NAV2: variants seen among roughly 807,000 people sequenced by gnomAD.
The protein encoded by NAV2 is neuron navigator 2.
In NAV2, 54 loss-of-function variants were observed where a neutral mutation model predicts 223.2. The observed-to-expected ratio is 0.24, with a 90% confidence interval of 0.19 to 0.30. The LOEUF is 0.30. Among genes scored for constraint, NAV2 ranks in the 10% least tolerant of loss-of-function variants. The pLI is 1.00. For missense variants in NAV2, 2,806 were observed against 3,147.5 expected (o/e 0.89, Z 2.60); for synonymous variants, 1,279 against 1,239.3 (o/e 1.03, Z -0.67).
At chr11:19,901,286 C>A (rs955074909) in intron 6 of NAV2, among the ~76,000 whole-genome samples, 2 of 152,230 alleles carry the variant, frequency 1.3e-5, no homozygotes, top group Non-Finnish European at 1.5e-5. Flanking sequence ...ATGACTCACG[C>A]CTGTAATCCC....
At chr11:19,559,089 T>C (rs924467306) in intron 1 of NAV2, among the ~76,000 whole-genome samples, 1 of 152,218 alleles carries the variant, frequency 6.6e-6, no homozygotes, top group African/African-American at 2.4e-5. Context: ...CTTGATGAGA[T>C]GAGTGACTTG....
At chr11:19,402,684 A>G (rs555960574) in intron 1 of NAV2, among the ~76,000 whole-genome samples, 1 of 152,354 alleles carries the variant, frequency 6.6e-6, no homozygotes, top group East Asian at 1.9e-4. Flanking sequence ...AACAGAATGA[A>G]TGCAGGAATG....
chr11:19,626,490 A>C (rs2047175302), intron 1 of NAV2, among the ~76,000 whole-genome samples: 1 of 152,166 alleles, frequency 6.6e-6, no homozygotes, highest in South Asian at 2.1e-4. Context: ...CTTTTTGTTC[A>C]GGATTACTTT....
intron 1 of NAV2, among the ~76,000 whole-genome samples, chr11:19,378,189 C>G (rs1360156856): frequency 2.0e-5 from 3 of 152,212 alleles, no homozygotes. Flanking sequence ...GTCACAGCCC[C>G]AGCCCCCCTA....
At chr11:19,929,248 A>G (rs1028598123) in intron 6 of NAV2, among the ~76,000 whole-genome samples, 2 of 151,798 alleles carry the variant, frequency 1.3e-5, no homozygotes, top group African/African-American at 4.9e-5. Context: ...GTGAGATTCC[A>G]TCTCAAAAAA....
intron 1 of NAV2, among the ~76,000 whole-genome samples, chr11:19,781,540 C>T (rs1039824581): frequency 1.3e-5 from 2 of 152,044 alleles, no homozygotes; most frequent in African/African-American, 4.8e-5. Context: ...GGAAATGTGC[C>T]CCTGACCTTT....
chr11:19,873,270 G>A (rs1209007811), intron 4 of NAV2, among the ~76,000 whole-genome samples: 4 of 152,164 alleles, frequency 2.6e-5, no homozygotes, highest in African/African-American at 9.7e-5. Context: ...ACAGAGCTGT[G>A]TTAGTGGTAA....
At chr11:19,806,856 G>A (rs538521212) in intron 1 of NAV2, among the ~76,000 whole-genome samples, 4 of 152,252 alleles carry the variant, frequency 2.6e-5, no homozygotes, top group East Asian at 1.9e-4. Context: ...TTCCTCTTTC[G>A]GAGATAATTA....
chr11:19,731,711 C>T (rs1034350217), intron 1 of NAV2, among the ~76,000 whole-genome samples: 9 of 152,152 alleles, frequency 5.9e-5, no homozygotes, highest in Non-Finnish European at 8.8e-5. Flanking sequence ...GGGCATGGGC[C>T]GATCATTTAA....
intron 11 of NAV2, among the ~76,000 whole-genome samples, chr11:20,019,317 T>C (rs2054285785): frequency 6.6e-6 from 1 of 152,144 alleles, no homozygotes; most frequent in African/African-American, 2.4e-5. Context: ...ATGGATTACA[T>C]CGGAGGCAAG....
intron 26 of NAV2, 86 bp downstream of exon 26, chr11:20,083,265 A>G: frequency 9.2e-7 from 1 of 1,084,244 alleles, no homozygotes; most frequent in South Asian, 1.5e-5. Flanking sequence ...GTTATGACAC[A>G]TCTGCTCCTT....
intron 1 of NAV2, among the ~76,000 whole-genome samples, chr11:19,788,111 C>A (rs545639823): frequency 6.6e-6 from 1 of 152,316 alleles, no homozygotes; most frequent in Non-Finnish European, 1.5e-5. Context: ...CTTCCCACTT[C>A]TGTAAGTCGG....
At chr11:19,861,952 C>A (rs941687109) in intron 3 of NAV2, among the ~76,000 whole-genome samples, 6 of 152,174 alleles carry the variant, frequency 3.9e-5, no homozygotes, top group African/African-American at 4.8e-5. Flanking sequence ...CTTTTGGGAG[C>A]CTCCAGAGTA....
intron 1 of NAV2, among the ~76,000 whole-genome samples, chr11:19,475,231 T>C (rs1290150437): frequency 1.3e-5 from 2 of 152,238 alleles, no homozygotes; most frequent in South Asian, 2.1e-4. Flanking sequence ...CTGCTGGGCA[T>C]GTTTTGTGTT....
At chr11:19,687,918 G>A (rs927251958) in intron 1 of NAV2, among the ~76,000 whole-genome samples, 3 of 152,184 alleles carry the variant, frequency 2.0e-5, no homozygotes, top group Non-Finnish European at 2.9e-5. Flanking sequence ...GTCATGCTTA[G>A]GGAAGTGTAG....
rs757083321 is a variant in NAV2 at position 20,121,481 on chromosome 11, G to A, written c.*3223G>A. The stretch of plus-strand genomic sequence containing the variant: ...CTATTTAATTTTCATTTGTCATGAG[G>A]TTTTTGGATTTGCCAATGATCTGCT... On this transcript the variant is annotated 3_prime_UTR_variant, in exon 38 of 38. Coordinates refer to ENST00000349880, the MANE Select transcript of NAV2 (RefSeq NM_145117.5). The A allele has an allele frequency of 2.6e-5, 4 of 152,276 alleles. No homozygotes were observed. Among genetic ancestry groups the A allele is most frequent in the Non-Finnish European group, 5.9e-5 (4 of 68,002 alleles). The allele number at this position is 152,276 out of a possible 1,614,324, so 9.4% of individuals were successfully genotyped here.
At chr11:19,801,885 CG>C (rs1175301324) in intron 1 of NAV2, among the ~76,000 whole-genome samples, 3 of 152,112 alleles carry the variant, frequency 2.0e-5, no homozygotes, top group African/African-American at 7.2e-5. Context: ...GCATGTAGTA[CG>C]GTGTATGCCA....
At chr11:19,577,753 G>A (rs1275569556) in intron 1 of NAV2, among the ~76,000 whole-genome samples, 1 of 152,186 alleles carries the variant, frequency 6.6e-6, no homozygotes, top group African/African-American at 2.4e-5. Context: ...TGAGAGGGAA[G>A]AATTGAGGAG....
At chr11:20,076,851 G>T (rs2059788112) in intron 22 of NAV2, among the ~76,000 whole-genome samples, 1 of 152,114 alleles carries the variant, frequency 6.6e-6, no homozygotes, top group African/African-American at 2.4e-5. Flanking sequence ...TAAAATAATG[G>T]TACATCTTAT....
Sources: gnomAD v4.1 joint callset for allele counts (sites outside exome capture counted in the v4.1 genomes callset) on GRCh38, gnomAD v4.1.1 for gene constraint, MANE v1.5 for transcripts, NCBI Gene and HGNC (gene_info 2026-07-23, HGNC 2026-07-21) for gene names.